Variants in PLAA observed in about 807,000 individuals in gnomAD.
The protein encoded by PLAA is phospholipase A-2-activating protein.
In PLAA, 48 loss-of-function variants were observed where a neutral mutation model predicts 84.1. The ratio of observed to expected loss-of-function variants is 0.57; its 90% CI spans 0.45 to 0.73. The LOEUF (loss-of-function observed/expected upper bound fraction) is 0.73, where lower values mean the gene tolerates loss of function less well. PLAA is among the 30% of genes least tolerant of loss of function. The probability of loss-of-function intolerance (pLI) is 0.00; values close to 1 mark genes in which losing one functional copy is unlikely to be tolerated. For synonymous variants in PLAA, 392 were observed against 336.6 expected (o/e 1.16, Z -1.80); for missense variants, 903 against 954.7 (o/e 0.95, Z 0.71).
At position 26,927,117 on chromosome 9, in the gene PLAA, TTTTG is replaced by T. The variant is rs1021555734; in HGVS notation, c.566-561_566-558del. Among the ~76,000 whole-genome samples the T allele has an allele frequency of 2.5e-3, 350 of 140,448 alleles. 2 individuals carry two copies. The highest frequency in any genetic ancestry group is 9.4e-3 in the African/African-American group (334 of 35,360). 92.1% of individuals were successfully genotyped at this position (140,448 alleles called of 152,430 possible). A position where few individuals can be genotyped will look rare whatever the true frequency, so the allele number is the denominator to read the frequency against. On this transcript the variant is annotated intron_variant, in intron 4 of 13. Transcript: ENST00000397292. ...TCCACTTTCCATCAAAAGATACTTT[TTTTG>T]TTTTTCTTTTTTTTTTTGAGATGGA...
chr9:26,917,062 T>C (rs368354995), intron 10 of PLAA, 35 bp downstream of exon 10: 15 of 1,546,720 alleles, frequency 9.7e-6, no homozygotes, highest in African/African-American at 9.5e-5. Context: ...ATACATTTAG[T>C]GAAGAAAGAT....
At chr9:26,907,591 C>A (rs564831245) in intron 13 of PLAA, 183 of 413,160 alleles carry the variant, frequency 4.4e-4, no homozygotes, top group Non-Finnish European at 6.2e-4. Context: ...ACAACAACAA[C>A]AAAAAAACAA....
Position 26,913,801 on chromosome 9 carries a change from A to G in PLAA, c.1555+78T>C, listed in dbSNP as rs906454067. The G allele has an allele frequency of 9.1e-5, 95 of 1,038,324 alleles. 2 individuals carry two copies. In the African/African-American group the frequency reaches 1.4e-3, roughly 16 times the overall value. 64.3% of individuals were successfully genotyped at this position (1,038,324 alleles called of 1,614,324 possible). On this transcript the variant is annotated intron_variant, in intron 11 of 13. Coordinates refer to ENST00000397292, the MANE Select transcript of PLAA (RefSeq NM_001031689.3). ...GTTCTCAAGCAAGAAAATGACACAA[A>G]TTTTCTTACTCTTTTTATTAAAGTT...
intron 10 of PLAA, chr9:26,915,667 T>C: frequency 2.0e-6 from 2 of 975,972 alleles, no homozygotes; most frequent in Non-Finnish European, 2.4e-6. Flanking sequence ...GTGTATTCAA[T>C]TATCCTGATA....
At chr9:26,908,851 G>C (rs1302383092) in intron 12 of PLAA, among the ~76,000 whole-genome samples, 1 of 152,146 alleles carries the variant, frequency 6.6e-6, no homozygotes, top group Non-Finnish European at 1.5e-5. Context: ...GTTTCTCCAT[G>C]AGAAAATTTA....
chr9:26,920,065 T>A (rs1384817691), intron 8 of PLAA, among the ~76,000 whole-genome samples, 162 bp downstream of exon 8: 1 of 152,098 alleles, frequency 6.6e-6, no homozygotes, highest in Non-Finnish European at 1.5e-5. Flanking sequence ...AAGATACTTT[T>A]AAAATATCTA....
intron 1 of PLAA, among the ~76,000 whole-genome samples, chr9:26,941,970 A>T (rs1825557694): frequency 6.6e-6 from 1 of 152,218 alleles, no homozygotes; most frequent in African/African-American, 2.4e-5. Context: ...CCAGAAAGAA[A>T]AAAAAAATAG....
rs373054455 is a variant in PLAA, at chr9:26,928,205, C to T, written c.460G>A (p.Val154Met). ...MMTLQGHTAA[V>M]WAVKILPEQG... Reference sequence around the variant, plus strand: ...TCAGGTAAGATCTTTACCGCCCACACTGCAGCTGTATGACCCTGTGAGTAA... The same window carrying T: ...TCAGGTAAGATCTTTACCGCCCACATTGCAGCTGTATGACCCTGTGAGTAA... Residue 154 changes from valine (V) to methionine (M), a missense_variant, in exon 4 of 14, where the codon GTG becomes ATG. By Grantham distance (21) the Val-to-Met change is conservative (BLOSUM62 1). Transcript: ENST00000397292. The T allele has an allele frequency of 6.2e-7, 1 of 1,614,194 alleles. No individual in the cohort carries two copies. The highest frequency in any genetic ancestry group is 8.5e-7 in the Non-Finnish European group (1 of 1,180,020).
At chr9:26,946,225 C>A (rs920463023) in intron 1 of PLAA, among the ~76,000 whole-genome samples, 1 of 152,130 alleles carries the variant, frequency 6.6e-6, no homozygotes, top group African/African-American at 2.4e-5. Context: ...CAAATCAGGG[C>A]TGAACCCGTG....
At position 26,905,244 on chromosome 9, in the gene PLAA, A is replaced by G. The variant is rs1824191808; in HGVS notation, c.*267T>C. On this transcript the variant is annotated 3_prime_UTR_variant, in exon 14 of 14. Transcript: ENST00000397292. ...TCTTAGTGGCTAAGGTAAGGGGAAG[A>G]TGTCATTGTCATTGTGTTGTTGCTG... The G allele has an allele frequency of 2.6e-6, 1 of 391,112 alleles. No homozygotes were observed. The highest frequency in any genetic ancestry group is 4.6e-6 in the Non-Finnish European group (1 of 217,178). The allele number at this position is 391,112 out of a possible 1,614,324, so 24.2% of individuals were successfully genotyped here. A position where few individuals can be genotyped will look rare whatever the true frequency, so the allele number is the denominator to read the frequency against.
intron 7 of PLAA, among the ~76,000 whole-genome samples, chr9:26,922,538 G>A (rs1824803751): frequency 6.6e-6 from 1 of 152,122 alleles, no homozygotes. Context: ...CAAGCTTTGA[G>A]AAGCACTGGT....
rs566533723 is a variant in PLAA at position 26,911,284 on chromosome 9, T to A, written c.1556-845A>T. Reference sequence around the variant, plus strand: ...TCTCCTGCCTCAGCCTCCAGAATAGTTGGGATTACAGGCATGAGCTACCAC... The same window carrying A: ...TCTCCTGCCTCAGCCTCCAGAATAGATGGGATTACAGGCATGAGCTACCAC... On this transcript the variant is annotated intron_variant, in intron 11 of 13. Coordinates refer to ENST00000397292, the MANE Select transcript of PLAA (RefSeq NM_001031689.3). 3.3e-5 allele frequency among the ~76,000 whole-genome samples: 5 copies of A among 152,144 alleles called. 1 individual carries two copies. The Middle Eastern group carries it at 0.01, about 310-fold the overall frequency.
intron 1 of PLAA, among the ~76,000 whole-genome samples, chr9:26,940,029 C>G (rs1825482199): frequency 6.6e-6 from 1 of 152,116 alleles, no homozygotes; most frequent in Non-Finnish European, 1.5e-5. Flanking sequence ...AATAAATCAA[C>G]TAGAACTAAC....
At chr9:26,945,428 A>T (rs1421069505) in intron 1 of PLAA, among the ~76,000 whole-genome samples, 3 of 152,244 alleles carry the variant, frequency 2.0e-5, no homozygotes, top group African/African-American at 7.2e-5. Flanking sequence ...AGTATTACTA[A>T]GTAGTTTTGG....
intron 1 of PLAA, among the ~76,000 whole-genome samples, chr9:26,940,452 A>C (rs1825496125): frequency 6.6e-6 from 1 of 152,246 alleles, no homozygotes; most frequent in Non-Finnish European, 1.5e-5. Flanking sequence ...AGCTGTCAAA[A>C]TCATACAGAC....
At chr9:26,923,078 G>A in intron 7 of PLAA, 100 bp downstream of exon 7, 4 of 817,798 alleles carry the variant, frequency 4.9e-6, no homozygotes, top group Non-Finnish European at 7.7e-6. Flanking sequence ...TCAGCATCTA[G>A]CAATGAAAAA....
At chr9:26,925,179 T>C (rs146110929) in intron 6 of PLAA, among the ~76,000 whole-genome samples, 1 of 152,346 alleles carries the variant, frequency 6.6e-6, no homozygotes, top group East Asian at 1.9e-4. Flanking sequence ...CTTTCTAATT[T>C]ACTTTCCTGT....
intron 10 of PLAA, among the ~76,000 whole-genome samples, chr9:26,914,829 T>G (rs1824499889): frequency 6.6e-6 from 1 of 152,180 alleles, no homozygotes; most frequent in African/African-American, 2.4e-5. Context: ...CCTGAATGAA[T>G]CACAGATTCA....
intron 8 of PLAA, among the ~76,000 whole-genome samples, chr9:26,919,897 T>G (rs1824701667): frequency 6.6e-6 from 1 of 152,168 alleles, no homozygotes; most frequent in Non-Finnish European, 1.5e-5. Context: ...GGGTCTCTCA[T>G]GTCTTGTCAA....
Sources: allele counts gnomAD v4.1 joint callset (sites outside exome capture counted in the v4.1 genomes callset), GRCh38; gene constraint gnomAD v4.1.1; transcripts MANE v1.5; gene names NCBI Gene and HGNC (gene_info 2026-07-23, HGNC 2026-07-21).